SAMD12: variants seen among roughly 807,000 people sequenced by gnomAD.
SAMD12 encodes the protein sterile alpha motif domain-containing protein 12.
Under a neutral mutation model 15.0 loss-of-function variants are expected in SAMD12, and 9 were observed. The observed-to-expected ratio is 0.60, with a 90% CI of 0.36 to 1.05. The LOEUF (loss-of-function observed/expected upper bound fraction) is 1.05. Among genes scored for constraint, SAMD12 ranks in the 50% least tolerant of loss-of-function variants. SAMD12 has a pLI of 0.01. For missense variants in SAMD12, 230 were observed against 234.2 expected, an observed-to-expected ratio of 0.98 and a Z score of 0.12; for synonymous variants, 86 against 90.1, an observed-to-expected ratio of 0.96 and a Z score of 0.25.
exon 5 of SAMD12, chr8:118,189,856 A>G (rs1728766842): frequency 6.6e-6 from 1 of 151,398 alleles, no homozygotes; most frequent in South Asian, 2.1e-4. Flanking sequence ...TAAAGTGGAT[A>G]TCCAACAGAA....
At chr8:118,599,089 A>G (rs143101437) in intron 1 of SAMD12, among the ~76,000 whole-genome samples, 40 of 152,324 alleles carry the variant, frequency 2.6e-4, no homozygotes, top group Non-Finnish European at 4.4e-4. Context: ...GCAAGGCCCT[A>G]TTGAGCACCC....
intron 2 of SAMD12, among the ~76,000 whole-genome samples, chr8:118,445,233 A>G (rs11782499): frequency 0.44 from 67,374 of 152,102 alleles, 17,318 homozygotes; most frequent in South Asian, 0.58. Context: ...ATTCACCCAA[A>G]AAAGGTCACT....
intron 2 of SAMD12, among the ~76,000 whole-genome samples, chr8:118,503,291 C>T (rs906969790): frequency 2.0e-5 from 3 of 152,142 alleles, no homozygotes; most frequent in Admixed American, 6.5e-5. Flanking sequence ...ATGAGCTCTC[C>T]TACCAGTAGT....
chr8:118,317,311 C>A (rs1308063431), intron 4 of SAMD12, among the ~76,000 whole-genome samples: 1 of 152,120 alleles, frequency 6.6e-6, no homozygotes, highest in East Asian at 1.9e-4. Flanking sequence ...TATGTGTCAC[C>A]AGAGATGCAT....
At chr8:118,282,234 A>G (rs1813683939) in intron 4 of SAMD12, 7 of 455,292 alleles carry the variant, frequency 1.5e-5, no homozygotes, top group Admixed American at 7.1e-5. Flanking sequence ...GCTATACCAT[A>G]TATCTAAGGT....
intron 4 of SAMD12, among the ~76,000 whole-genome samples, chr8:118,301,536 G>A (rs1464559487): frequency 2.6e-5 from 4 of 152,150 alleles, no homozygotes; most frequent in African/African-American, 9.7e-5. Flanking sequence ...GAAAGCTGGA[G>A]GACTAGATTC....
chr8:118,514,505 G>T (rs957392669), intron 2 of SAMD12, among the ~76,000 whole-genome samples: 10 of 152,132 alleles, frequency 6.6e-5, no homozygotes, highest in African/African-American at 2.4e-4. Flanking sequence ...GATGAGGAAG[G>T]CTAACAAATT....
intron 2 of SAMD12, among the ~76,000 whole-genome samples, chr8:118,548,025 T>C (rs1189843409): frequency 2.0e-5 from 3 of 152,120 alleles, no homozygotes; most frequent in Non-Finnish European, 2.9e-5. Context: ...ACCCAACTCT[T>C]CATAAACAGA....
chr8:118,230,675 A>G (rs1356812149), intron 4 of SAMD12, among the ~76,000 whole-genome samples: 1 of 152,088 alleles, frequency 6.6e-6, no homozygotes, highest in Admixed American at 6.5e-5. Flanking sequence ...GCAACAAGGA[A>G]TCAGCCCAAG....
intron 2 of SAMD12, among the ~76,000 whole-genome samples, chr8:118,459,771 A>C (rs1215161418): frequency 6.6e-6 from 1 of 152,228 alleles, no homozygotes; most frequent in Non-Finnish European, 1.5e-5. Flanking sequence ...GAATAACTAG[A>C]AGATTCATTC....
At chr8:118,549,916 A>G (rs535832659) in intron 2 of SAMD12, among the ~76,000 whole-genome samples, 37 of 152,306 alleles carry the variant, frequency 2.4e-4, no homozygotes, top group Admixed American at 5.9e-4. Flanking sequence ...TCAACTGGAA[A>G]AAAGGGTATC....
At chr8:118,343,453 G>A (rs1175014094) in intron 4 of SAMD12, among the ~76,000 whole-genome samples, 1 of 152,042 alleles carries the variant, frequency 6.6e-6, no homozygotes, top group Non-Finnish European at 1.5e-5. Flanking sequence ...CTGCAAGCCA[G>A]TCCCAGCCCT....
At chr8:118,220,464 G>A (rs1812059377) in intron 4 of SAMD12, among the ~76,000 whole-genome samples, 1 of 152,068 alleles carries the variant, frequency 6.6e-6, no homozygotes, top group South Asian at 2.1e-4. Context: ...GGAATCTATA[G>A]GCCCTTTAAA....
intron 4 of SAMD12, among the ~76,000 whole-genome samples, chr8:118,346,460 C>T (rs761906506): frequency 6.6e-6 from 1 of 152,134 alleles, no homozygotes; most frequent in Admixed American, 6.5e-5. Context: ...CTTCGGAACC[C>T]TAACATTTTT....
chr8:118,615,194 C>T (rs1828210494), intron 1 of SAMD12, among the ~76,000 whole-genome samples: 1 of 151,988 alleles, frequency 6.6e-6, no homozygotes, highest in Admixed American at 6.6e-5. Context: ...CAGTTTTGTG[C>T]CCTTTCCCCG....
chr8:118,333,241 C>T (rs1172547393), intron 4 of SAMD12, among the ~76,000 whole-genome samples: 1 of 152,162 alleles, frequency 6.6e-6, no homozygotes, highest in Non-Finnish European at 1.5e-5. Flanking sequence ...CAACAGTCAC[C>T]TCCTCTCTGT....
At chr8:118,573,844 T>C (rs1827082766) in intron 2 of SAMD12, among the ~76,000 whole-genome samples, 1 of 152,202 alleles carries the variant, frequency 6.6e-6, no homozygotes, top group Non-Finnish European at 1.5e-5. Flanking sequence ...GACTTATTCA[T>C]TCATCAAAAA....
At chr8:118,158,571 C>T in the SAMD12 span, among the ~76,000 whole-genome samples, 1 of 152,240 alleles carries the variant, frequency 6.6e-6, no homozygotes, top group African/African-American at 2.4e-5. Flanking sequence ...AGAAAGTGGA[C>T]AGGCTCCTGG....
chr8:118,445,683 G>A (rs538438192), intron 2 of SAMD12, among the ~76,000 whole-genome samples: 19 of 152,230 alleles, frequency 1.2e-4, no homozygotes, highest in African/African-American at 3.6e-4. Context: ...AATTAAATGC[G>A]TATAGTGTTA....
Sources: gnomAD v4.1 joint callset for allele counts (sites outside exome capture counted in the v4.1 genomes callset) on GRCh38, gnomAD v4.1.1 for gene constraint, MANE v1.5 for transcripts, NCBI Gene and HGNC (gene_info 2026-07-23, HGNC 2026-07-21) for gene names.